PTPN14: variants seen among roughly 807,000 people sequenced by gnomAD.
The protein encoded by PTPN14 is protein tyrosine phosphatase non-receptor type 14.
In PTPN14, 53 loss-of-function variants were observed where a neutral mutation model predicts 126.8. The observed-to-expected ratio is 0.42, with a 90% CI of 0.34 to 0.53. PTPN14 has a LOEUF of 0.53. Ranked by LOEUF, PTPN14 falls within the 20% of genes least tolerant of loss-of-function variation. The pLI is 0.08. For synonymous variants in PTPN14, 630 were observed against 599.3 expected, an observed-to-expected ratio of 1.05 and a Z score of -0.75; for missense variants, 1,257 against 1,552.9, an observed-to-expected ratio of 0.81 and a Z score of 3.20.
intron 3 of PTPN14, among the ~76,000 whole-genome samples, chr1:214,435,382 AGTTATAATTAT>A (rs1184054935): frequency 6.6e-6 from 1 of 152,170 alleles, no homozygotes; most frequent in Non-Finnish European, 1.5e-5. Flanking sequence ...ATCATATTCT[AGTTATAATTAT>A]GTTATAATTA....
chr1:214,545,636 C>T (rs1013219176), intron 1 of PTPN14, among the ~76,000 whole-genome samples: 3 of 152,132 alleles, frequency 2.0e-5, no homozygotes, highest in South Asian at 2.1e-4. Flanking sequence ...TTTACAGACT[C>T]AAACTCGAAG....
intron 16 of PTPN14, chr1:214,372,379 G>A (rs1021738112): frequency 6.5e-6 from 2 of 306,160 alleles, no homozygotes; most frequent in African/African-American, 2.3e-5. Flanking sequence ...CACTGTTTTC[G>A]TTTGGCACAG....
chr1:214,532,878 C>A, intron 1 of PTPN14: 1 of 1,038,262 alleles, frequency 9.6e-7, no homozygotes, highest in Non-Finnish European at 1.5e-6. Flanking sequence ...CTGGGTTGAC[C>A]ATGGAGGTTG....
rs894786547 is a variant in PTPN14 at position 214,397,931 on chromosome 1, C to T, written c.740G>A (p.Arg247Lys). ...MGIFVRNRIG[R>K]QAVIYRWNDM... ...AGACTACCTGTATATTACCGCTTGT[C>T]TTCCAATTCTGTTCCTCACGAAAAT... The change falls in exon 8 of 19, where the codon AGA becomes AAA. Residue 247 changes from arginine to lysine, a missense_variant. By Grantham distance (26) the Arg-to-Lys change is conservative. Coordinates refer to ENST00000366956, the MANE Select transcript of PTPN14 (RefSeq NM_005401.5). The T allele has an allele frequency of 6.2e-7, 1 of 1,609,092 alleles. No homozygotes were observed. The highest frequency in any genetic ancestry group is 1.7e-5 in the Admixed American group (1 of 59,988).
intron 1 of PTPN14, among the ~76,000 whole-genome samples, chr1:214,509,147 G>C (rs1297164663): frequency 1.3e-5 from 2 of 152,206 alleles, no homozygotes; most frequent in African/African-American, 4.8e-5. Flanking sequence ...CCTGTCCCTT[G>C]AAGTTTTGAA....
chr1:214,356,255 G>A lies in PTPN14; in HGVS notation c.*1667C>T, dbSNP rs1657818233. On this transcript the variant is annotated 3_prime_UTR_variant, in exon 19 of 19. Coordinates refer to ENST00000366956, the MANE Select transcript of PTPN14 (RefSeq NM_005401.5). ...ATTACAGGTGTGAACCACCGTGCCT[G>A]GCTGACTACAGTTTTTTAATTGCAC... The A allele has an allele frequency of 6.6e-6, 1 of 152,250 alleles. No homozygotes were observed. The highest frequency in any genetic ancestry group is 2.4e-5 in the African/African-American group (1 of 41,422). The allele number at this position is 152,250 out of a possible 1,614,324, so 9.4% of individuals were successfully genotyped here.
At chr1:214,414,555 C>CTT in intron 4 of PTPN14, 74 bp downstream of exon 4, 1 of 1,323,396 alleles carries the variant, frequency 7.6e-7, no homozygotes, top group Non-Finnish European at 1.1e-6. Context: ...TCTAACTTCT[C>CTT]ACTCTGAGAG....
chr1:214,472,487 C>T (rs933874210), intron 1 of PTPN14, among the ~76,000 whole-genome samples: 1 of 152,134 alleles, frequency 6.6e-6, no homozygotes, highest in Admixed American at 6.5e-5. Context: ...GTTACCCAGT[C>T]TCAGGTATTT....
At chr1:214,398,108 GGATA>G (rs759407727) in intron 7 of PTPN14, 107 bp from the exon 8 acceptor site, 6 of 857,320 alleles carry the variant, frequency 7.0e-6, no homozygotes, top group East Asian at 2.6e-5. Context: ...ACAGATGAAT[GGATA>G]AAGAAAACGT....
At chr1:214,510,515 A>G (rs1654948942) in intron 1 of PTPN14, among the ~76,000 whole-genome samples, 1 of 152,240 alleles carries the variant, frequency 6.6e-6, no homozygotes, top group African/African-American at 2.4e-5. Flanking sequence ...TACTTTTCCT[A>G]TAGGTCCACT....
At chr1:214,427,273 T>C (rs1389286666) in intron 3 of PTPN14, among the ~76,000 whole-genome samples, 1 of 58,162 alleles carries the variant, frequency 1.7e-5, no homozygotes, top group Admixed American at 3.1e-4. Flanking sequence ...TGAGTCTCCA[T>C]CTCAAAAAAA....
intron 1 of PTPN14, among the ~76,000 whole-genome samples, chr1:214,526,629 C>A (rs1655407420): frequency 6.6e-6 from 1 of 152,064 alleles, no homozygotes; most frequent in Non-Finnish European, 1.5e-5. Flanking sequence ...AAGATTATAT[C>A]CAAGTACTGA....
intron 5 of PTPN14, among the ~76,000 whole-genome samples, chr1:214,405,964 T>C (rs761306815): frequency 8.7e-4 from 133 of 152,214 alleles, no homozygotes; most frequent in Non-Finnish European, 1.5e-3. Context: ...TGCCACGAGA[T>C]TGCCAACCAC....
At chr1:214,416,745 C>T (rs1422721977) in intron 3 of PTPN14, among the ~76,000 whole-genome samples, 4 of 152,108 alleles carry the variant, frequency 2.6e-5, no homozygotes, top group African/African-American at 4.8e-5. Flanking sequence ...ACTGCAGAAA[C>T]GAGAATGAAA....
Position 214,434,414 on chromosome 1 carries a change from A to G in PTPN14, c.344+17391T>C, listed in dbSNP as rs1053914796. ...CTCTGGTAACCTTCAAGAGGCAAAT[A>G]TAAGCAAAATCAACGATGGACATGC... On this transcript the variant is annotated intron_variant, in intron 3 of 18. Transcript: ENST00000366956. Among the ~76,000 whole-genome samples the G allele has an allele frequency of 3.3e-5, 5 of 152,286 alleles. No individual in the cohort carries two copies. The East Asian group carries it at 9.7e-4, about 29-fold the overall frequency.
At chr1:214,500,723 A>G (rs2102430152) in intron 1 of PTPN14, among the ~76,000 whole-genome samples, 1 of 152,254 alleles carries the variant, frequency 6.6e-6, no homozygotes, top group Admixed American at 6.5e-5. Context: ...AATCTGTTAC[A>G]TCCTATCTAA....
Position 214,383,126 on chromosome 1 carries a change from T to G in PTPN14, c.2544+185A>C, listed in dbSNP as rs1194188034. ...AAGTACACCTGTTAGAAGCCACAAA[T>G]GAGAATGGAAGATTTATCTGAAAGG... On this transcript the variant is annotated intron_variant, in intron 13 of 18. Transcript: ENST00000366956. This position sits in a 1 kb window ranked among gnomAD's most constrained non-coding sequence, Gnocchi z 4.4. 6.6e-6 allele frequency among the ~76,000 whole-genome samples: 1 copy of G among 152,194 alleles called. No individual in the cohort carries two copies. Among genetic ancestry groups the G allele is most frequent in the Non-Finnish European group, 1.5e-5 (1 of 68,026 alleles).
chr1:214,349,445 T>C lies in PTPN14; in HGVS notation c.*8477A>G, dbSNP rs1359034893. On this transcript the variant is annotated 3_prime_UTR_variant, in exon 19 of 19. Coordinates refer to ENST00000366956, the MANE Select transcript of PTPN14 (RefSeq NM_005401.5). ...TCGTTTCAAAATGAAACCTAATAAATGTCATTTGTTTTGAATGATACCAAA... is the reference window on the plus strand; with the variant it reads ...TCGTTTCAAAATGAAACCTAATAAACGTCATTTGTTTTGAATGATACCAAA... The C allele has an allele frequency of 1.3e-5, 2 of 152,150 alleles. No individual in the cohort carries two copies. 9.4% of individuals were successfully genotyped at this position (152,150 alleles called of 1,614,324 possible).
intron 1 of PTPN14, among the ~76,000 whole-genome samples, chr1:214,543,247 C>T (rs1445034503): frequency 6.6e-6 from 1 of 152,182 alleles, no homozygotes; most frequent in Non-Finnish European, 1.5e-5. Flanking sequence ...TATCTTAACC[C>T]TGAGATGTTC....
Sources: allele counts gnomAD v4.1 joint callset (sites outside exome capture counted in the v4.1 genomes callset), GRCh38; gene constraint gnomAD v4.1.1; non-coding constraint Gnocchi (gnomAD v3.1); transcripts MANE v1.5; gene names NCBI Gene and HGNC (gene_info 2026-07-23, HGNC 2026-07-21).